The following RALGPS1 variants were observed in gnomAD, a reference collection of about 807,000 sequenced individuals.
RALGPS1 encodes Ral GEF with PH domain and SH3 binding motif 1.
In RALGPS1, 19 loss-of-function variants were observed where a neutral mutation model predicts 78.8. The ratio of observed to expected loss-of-function variants is 0.24; its 90% CI spans 0.17 to 0.35. RALGPS1 has a LOEUF of 0.35. Ranked by LOEUF, RALGPS1 falls within the 10% of genes least tolerant of loss-of-function variation. RALGPS1 has a pLI of 1.00. For missense variants in RALGPS1, 454 were observed against 688.3 expected (o/e 0.66, Z 3.81); for synonymous variants, 228 against 256.3 (o/e 0.89, Z 1.06).
chr9:127,086,080 C>T (rs1313066765), intron 8 of RALGPS1, among the ~76,000 whole-genome samples: 1 of 152,134 alleles, frequency 6.6e-6, no homozygotes, highest in African/African-American at 2.4e-5. Context: ...CCCTCCTTCA[C>T]AGAGCTTCTG....
intron 1 of RALGPS1, among the ~76,000 whole-genome samples, chr9:126,929,631 A>AT (rs200423368): frequency 6.0e-5 from 9 of 149,010 alleles, no homozygotes; most frequent in African/African-American, 7.4e-5. Context: ...TTGTATTATT[A>AT]TTTTTTTTTT....
intron 8 of RALGPS1, chr9:127,094,027 T>C: frequency 1.5e-6 from 2 of 1,364,110 alleles, no homozygotes; most frequent in Non-Finnish European, 2.0e-6. Context: ...AGGCTCCAGC[T>C]GGGAGCCACA....
rs2062310141 is a variant in RALGPS1 at position 127,212,297 on chromosome 9, A to G, written c.1353+61A>G. ...GCTTCCACATCTGTAAATAGTGCCC[A>G]CTCCTAGAGGTCTCAGCAAAAGTCA... On this transcript the variant is annotated intron_variant, in intron 15 of 18. Transcript: ENST00000259351. This position sits in a 1 kb window ranked among gnomAD's most constrained non-coding sequence, Gnocchi z 6.0. 2 of 1,310,652 alleles carry G rather than the reference A, an allele frequency of 1.5e-6. No individual in the cohort carries two copies. Among genetic ancestry groups the G allele is most frequent in the South Asian group, 2.7e-5 (2 of 74,872 alleles). The allele number at this position is 1,310,652 out of a possible 1,614,324, so 81.2% of individuals were successfully genotyped here. A position where few individuals can be genotyped will look rare whatever the true frequency, so the allele number is the denominator to read the frequency against.
At chr9:127,056,568 A>G (rs771721097) in intron 7 of RALGPS1, among the ~76,000 whole-genome samples, 3 of 152,148 alleles carry the variant, frequency 2.0e-5, no homozygotes, top group Non-Finnish European at 4.4e-5. Flanking sequence ...GGCCAAACTC[A>G]TCATCTTTTT....
At chr9:126,982,499 ATTAAAACAACAACC>A (rs1267057760) in intron 4 of RALGPS1, among the ~76,000 whole-genome samples, 1 of 152,246 alleles carries the variant, frequency 6.6e-6, no homozygotes, top group Non-Finnish European at 1.5e-5. Flanking sequence ...GCTGGAACCT[ATTAAAACAACAACC>A]ACCATTTTTG....
At chr9:126,971,022 C>A (rs1474377242) in intron 3 of RALGPS1, among the ~76,000 whole-genome samples, 1 of 152,008 alleles carries the variant, frequency 6.6e-6, no homozygotes, top group Non-Finnish European at 1.5e-5. Flanking sequence ...TAAAAGAATT[C>A]TTTTGGAAAT....
chr9:127,193,481 C>T (rs2061188904), intron 11 of RALGPS1, among the ~76,000 whole-genome samples: 1 of 152,152 alleles, frequency 6.6e-6, no homozygotes, highest in South Asian at 2.1e-4. Context: ...GCAGAGAAGA[C>T]AACTCATGGG....
intron 4 of RALGPS1, chr9:126,990,252 C>G: frequency 2.0e-6 from 1 of 489,658 alleles, no homozygotes; most frequent in Non-Finnish European, 3.6e-6. Context: ...CAGACCATCT[C>G]TCTCTGCTAC....
intron 8 of RALGPS1, among the ~76,000 whole-genome samples, chr9:127,100,546 G>A (rs946562653): frequency 3.3e-5 from 5 of 152,228 alleles, no homozygotes; most frequent in Admixed American, 3.3e-4. Flanking sequence ...GTGTACAGAG[G>A]TGAGCAGCTC....
In RALGPS1 at chr9:126,933,229, G is replaced by A. The variant is rs534118466; in HGVS notation, c.-66+18254G>A. On this transcript the variant is annotated intron_variant, in intron 1 of 18. Transcript: ENST00000259351. ...GAAAGAGGGACGGGGCATCATCAGG[G>A]CTGGAGGGATGACTCCAGAAAGAGG... 2.0e-5 allele frequency among the ~76,000 whole-genome samples: 3 copies of A among 152,306 alleles called. No homozygotes were observed. The South Asian group carries it at 6.2e-4, about 32-fold the overall frequency.
chr9:127,041,031 T>TTTGTGTG (rs1554802019), intron 5 of RALGPS1, among the ~76,000 whole-genome samples: 2 of 135,718 alleles, frequency 1.5e-5, no homozygotes, highest in African/African-American at 2.7e-5. Flanking sequence ...CTACAAACAT[T>TTTGTGTG]TGTGTGTGTG....
chr9:127,034,401 C>T (rs2046683391), intron 4 of RALGPS1, 30 bp from the exon 5 acceptor site: 1 of 1,589,592 alleles, frequency 6.3e-7, no homozygotes, highest in Non-Finnish European at 8.6e-7. Flanking sequence ...CAACTAGAAT[C>T]ACTGTTGAAA....
At chr9:127,123,452 G>C (rs1025891020) in intron 8 of RALGPS1, among the ~76,000 whole-genome samples, 1 of 152,206 alleles carries the variant, frequency 6.6e-6, no homozygotes, top group South Asian at 2.1e-4. Context: ...GTGAGGTCAC[G>C]TGGGAAGGAG....
chr9:126,934,556 T>TC (rs2036087596), intron 1 of RALGPS1, among the ~76,000 whole-genome samples: 1 of 152,166 alleles, frequency 6.6e-6, no homozygotes, highest in Non-Finnish European at 1.5e-5. Flanking sequence ...AGAGTGGTTT[T>TC]CAGGGCATCA....
intron 8 of RALGPS1, among the ~76,000 whole-genome samples, chr9:127,118,245 C>T (rs1486504264): frequency 1.3e-5 from 2 of 152,222 alleles, no homozygotes; most frequent in South Asian, 2.1e-4. Context: ...GCCATCGTAA[C>T]GTTGTAACCC....
intron 8 of RALGPS1, among the ~76,000 whole-genome samples, chr9:127,081,251 C>T (rs60908430): frequency 0.016 from 2,465 of 152,036 alleles, 77 homozygotes; most frequent in African/African-American, 0.056. Flanking sequence ...ATATACATTT[C>T]TCTGCCCACC....
At chr9:127,199,923 C>T (rs1056614727) in intron 14 of RALGPS1, among the ~76,000 whole-genome samples, 2 of 152,048 alleles carry the variant, frequency 1.3e-5, no homozygotes, top group Non-Finnish European at 2.9e-5. Flanking sequence ...TACACATGCA[C>T]ACTCACATAT....
chr9:127,058,020 G>T (rs779721933), intron 7 of RALGPS1, among the ~76,000 whole-genome samples: 1 of 152,202 alleles, frequency 6.6e-6, no homozygotes, highest in Non-Finnish European at 1.5e-5. Flanking sequence ...CAGGCCTAAC[G>T]TAGATTCAGG....
chr9:126,941,875 G>A (rs991248599), intron 1 of RALGPS1, among the ~76,000 whole-genome samples: 3 of 152,274 alleles, frequency 2.0e-5, no homozygotes, highest in Non-Finnish European at 2.9e-5. Flanking sequence ...TTTGTAGCCA[G>A]TGTTACAGTC....
Sources: gnomAD v4.1 joint callset for allele counts (sites outside exome capture counted in the v4.1 genomes callset) on GRCh38, gnomAD v4.1.1 for gene constraint, Gnocchi (gnomAD v3.1) non-coding constraint, MANE v1.5 for transcripts, NCBI Gene and HGNC (gene_info 2026-07-23, HGNC 2026-07-21) for gene names.